DEPTOR: variants seen among roughly 807,000 people sequenced by gnomAD.
The protein encoded by DEPTOR is DEP domain containing MTOR interacting protein.
In DEPTOR, 41 loss-of-function variants were observed where a neutral mutation model predicts 41.6. The ratio of observed to expected loss-of-function variants is 0.98; its 90% CI spans 0.77 to 1.28. The LOEUF is 1.28. Ranked by LOEUF, DEPTOR falls within the 50% of genes most tolerant of loss-of-function variation. DEPTOR has a pLI of 0.00. For missense variants in DEPTOR, 514 were observed against 527.9 expected (o/e 0.97, Z 0.26); for synonymous variants, 195 against 192.3 (o/e 1.01, Z -0.12).
At chr8:119,961,147 T>C (rs981502503) in intron 3 of DEPTOR, among the ~76,000 whole-genome samples, 3 of 151,864 alleles carry the variant, frequency 2.0e-5, no homozygotes, top group Admixed American at 2.0e-4. Context: ...CTGGGCACAG[T>C]GGATCACGTC....
intron 8 of DEPTOR, among the ~76,000 whole-genome samples, chr8:120,011,781 G>A (rs1052331127): frequency 6.6e-6 from 1 of 152,108 alleles, no homozygotes; most frequent in African/African-American, 2.4e-5. Flanking sequence ...TTCCCTGATC[G>A]ATGTTTTACC....
At chr8:119,894,672 A>T in intron 1 of DEPTOR, among the ~76,000 whole-genome samples, 1 of 151,996 alleles carries the variant, frequency 6.6e-6, no homozygotes, top group East Asian at 1.9e-4. Flanking sequence ...CTAAGATTAC[A>T]GGCGTGAGCC....
At chr8:119,950,160 A>T in intron 3 of DEPTOR, among the ~76,000 whole-genome samples, 1 of 152,122 alleles carries the variant, frequency 6.6e-6, no homozygotes, top group East Asian at 1.9e-4. Context: ...TGGCCTTGGC[A>T]CCCTTGTTGA....
At chr8:119,907,244 A>G (rs1047948232) in intron 1 of DEPTOR, among the ~76,000 whole-genome samples, 6 of 152,150 alleles carry the variant, frequency 3.9e-5, no homozygotes, top group African/African-American at 1.4e-4. Flanking sequence ...TGTGAAGTGC[A>G]ATTAACATTG....
At chr8:120,024,785 CAAAA>C (rs1261745775) in intron 8 of DEPTOR, among the ~76,000 whole-genome samples, 5 of 151,322 alleles carry the variant, frequency 3.3e-5, no homozygotes, top group African/African-American at 1.2e-4. Flanking sequence ...GAATGTGAGA[CAAAA>C]AAAAATTTCT....
rs746049531 is a variant in DEPTOR, at chr8:120,003,011, A to G, written c.825A>G (p.Ala275=). 2.5e-6 allele frequency: 4 copies of G among 1,597,424 alleles called. No homozygotes were observed. The highest frequency in any genetic ancestry group is 3.4e-6 in the Non-Finnish European group (4 of 1,172,546). ...SPSKEIKIVS[A]VRRSSMSSCG... The stretch of plus-strand genomic sequence containing the variant: ...GCAAGGAGATCAAGATCGTGTCTGC[A>G]GTGAGGAGAAGCAGCATGAGCAGCT... The change falls in exon 6 of 9, where the codon GCA becomes GCG. Residue 275 remains alanine, a synonymous_variant. Coordinates refer to ENST00000286234, the MANE Select transcript of DEPTOR (RefSeq NM_022783.4).
At chr8:119,974,472 T>A (rs1828672733) in intron 4 of DEPTOR, among the ~76,000 whole-genome samples, 1 of 151,686 alleles carries the variant, frequency 6.6e-6, no homozygotes, top group African/African-American at 2.4e-5. Context: ...CTAGGATAGA[T>A]CTCAAAAGAG....
chr8:119,992,900 A>G (rs4871823), intron 4 of DEPTOR, among the ~76,000 whole-genome samples: 97,772 of 151,778 alleles, frequency 0.64, 32,242 homozygotes, highest in Middle Eastern at 0.76. Flanking sequence ...CAGGTGACCC[A>G]CCTGCCTCGG....
chr8:119,904,700 T>C (rs1258266842), intron 1 of DEPTOR, among the ~76,000 whole-genome samples: 2 of 150,908 alleles, frequency 1.3e-5, no homozygotes, highest in Non-Finnish European at 2.9e-5. Flanking sequence ...TTCACCATGT[T>C]AGCCAGCCTG....
intron 3 of DEPTOR, among the ~76,000 whole-genome samples, chr8:119,964,984 A>C (rs1828538371): frequency 6.6e-6 from 1 of 151,992 alleles, no homozygotes; most frequent in African/African-American, 2.4e-5. Flanking sequence ...AAGGTAGAAG[A>C]ATTGCTTGAA....
chr8:120,012,722 A>G (rs1215555594), intron 8 of DEPTOR, among the ~76,000 whole-genome samples: 1 of 152,058 alleles, frequency 6.6e-6, no homozygotes, highest in African/African-American at 2.4e-5. Flanking sequence ...TTTTTAGTAG[A>G]GACAGGGTTT....
intron 1 of DEPTOR, among the ~76,000 whole-genome samples, chr8:119,886,522 CA>C (rs1586598262): frequency 1.3e-5 from 2 of 152,012 alleles, no homozygotes; most frequent in East Asian, 3.9e-4. Flanking sequence ...GATACACACA[CA>C]CAGATACATA....
At chr8:120,010,365 A>G (rs1442215897) in intron 8 of DEPTOR, among the ~76,000 whole-genome samples, 2 of 151,932 alleles carry the variant, frequency 1.3e-5, no homozygotes, top group Admixed American at 6.6e-5. Flanking sequence ...CTGTAATTCC[A>G]GCATCTTGGG....
Position 120,010,617 on chromosome 8 carries a change from CAA to C in DEPTOR, c.1101+1497_1101+1498del, listed in dbSNP as rs34215920. On this transcript the variant is annotated intron_variant, in intron 8 of 8. Coordinates refer to ENST00000286234, the MANE Select transcript of DEPTOR (RefSeq NM_022783.4). ...GGTGACAGAGTGCAAGACTCTGTCT[CAA>C]AAAAAAAAAAAAGAAGAAAAAAACA... Among the ~76,000 whole-genome samples, 939 of 124,704 alleles carry C rather than the reference CAA, an allele frequency of 7.5e-3. 4 individuals are homozygous for C. The highest frequency in any genetic ancestry group is 0.011 in the Non-Finnish European group (619 of 58,106). 81.8% of individuals were successfully genotyped at this position (124,704 alleles called of 152,430 possible).
intron 1 of DEPTOR, among the ~76,000 whole-genome samples, chr8:119,900,377 C>A (rs1364666806): frequency 6.9e-5 from 5 of 72,872 alleles, no homozygotes; most frequent in Non-Finnish European, 9.9e-5. Flanking sequence ...ACACACCCCT[C>A]ACCTTTTTTT....
chr8:120,022,738 G>C (rs1047707366), intron 8 of DEPTOR, among the ~76,000 whole-genome samples: 2 of 150,442 alleles, frequency 1.3e-5, no homozygotes, highest in African/African-American at 4.9e-5. Context: ...CTCTCCCTAT[G>C]TTGCCCAGGC....
At chr8:119,949,321 T>C (rs1422059603) in intron 3 of DEPTOR, among the ~76,000 whole-genome samples, 1 of 152,250 alleles carries the variant, frequency 6.6e-6, no homozygotes, top group East Asian at 1.9e-4. Context: ...ATAAATAATA[T>C]CGTTATGAAC....
chr8:120,016,519 T>C (rs1206568453), intron 8 of DEPTOR, among the ~76,000 whole-genome samples: 1 of 152,104 alleles, frequency 6.6e-6, no homozygotes, highest in Non-Finnish European at 1.5e-5. Flanking sequence ...CAGGCTGGTC[T>C]CAAACTCCTG....
intron 4 of DEPTOR, among the ~76,000 whole-genome samples, chr8:119,977,647 T>C (rs1828712930): frequency 6.6e-6 from 1 of 152,148 alleles, no homozygotes; most frequent in Non-Finnish European, 1.5e-5. Flanking sequence ...GGTTGCTTGA[T>C]AGAGGGCCAA....
Sources: gnomAD v4.1 joint callset for allele counts (sites outside exome capture counted in the v4.1 genomes callset) on GRCh38, gnomAD v4.1.1 for gene constraint, MANE v1.5 for transcripts, NCBI Gene and HGNC (gene_info 2026-07-23, HGNC 2026-07-21) for gene names.